Variants in EPS8 observed in about 807,000 individuals in gnomAD.
The protein encoded by EPS8 is EGFR pathway substrate 8, signaling adaptor.
EPS8 carries 42 observed loss-of-function variants against 103.8 expected under a neutral mutation model. That is an observed-to-expected ratio of 0.40 (90% CI 0.32 to 0.52). The LOEUF (loss-of-function observed/expected upper bound fraction) is 0.52, where lower values mean the gene tolerates loss of function less well. Ranked by LOEUF, EPS8 falls within the 20% of genes least tolerant of loss-of-function variation. The pLI is 0.40. For missense variants in EPS8, 969 were observed against 1,005.1 expected (o/e 0.96, Z 0.49); for synonymous variants, 344 against 344.6 (o/e 1.00, Z 0.02).
At position 15,640,713 on chromosome 12, in the gene EPS8, T is replaced by C. The variant is rs751401542; in HGVS notation, c.1811A>G (p.His604Arg). 28 of 1,613,602 alleles carry C rather than the reference T, an allele frequency of 1.7e-5. No individual in the cohort carries two copies. The South Asian group carries it at 3.0e-4, about 17-fold the overall frequency. ...GLGRADPPYT[H>R]TIQKQRMEYG... ...AGAAATCATGCTCACCTGTATAGTA[T>C]GAGTATAAGGTGGATCAGCACGCCC... is the stretch of plus-strand genomic sequence containing the variant. Residue 604 changes from histidine (H) to arginine (R), a missense_variant, in exon 17 of 21, where the codon CAT becomes CGT. Transcript: ENST00000281172.
chr12:15,649,196 T>C (rs545121781), intron 14 of EPS8, among the ~76,000 whole-genome samples: 23 of 152,294 alleles, frequency 1.5e-4, no homozygotes, highest in Non-Finnish European at 2.8e-4. Context: ...TCTTTTAAAA[T>C]TAATTATTCA....
chr12:15,667,464 T>C (rs1161222566), intron 6 of EPS8, among the ~76,000 whole-genome samples: 1 of 152,056 alleles, frequency 6.6e-6, no homozygotes, highest in African/African-American at 2.4e-5. Flanking sequence ...AATAAGACAT[T>C]ACAAATATCG....
chr12:15,732,685 A>C (rs1946729571), intron 1 of EPS8: 4 of 733,994 alleles, frequency 5.4e-6, no homozygotes, highest in Non-Finnish European at 6.7e-6. Context: ...CTGTTTACTA[A>C]GAAACAACAT....
At chr12:15,699,265 T>C (rs575343273) in intron 1 of EPS8, among the ~76,000 whole-genome samples, 1 of 152,368 alleles carries the variant, frequency 6.6e-6, no homozygotes, top group East Asian at 1.9e-4. Flanking sequence ...TTTATTGTGG[T>C]ATTTTGCCAT....
At chr12:15,750,983 A>G (rs1946925641) in intron 1 of EPS8, among the ~76,000 whole-genome samples, 1 of 152,178 alleles carries the variant, frequency 6.6e-6, no homozygotes, top group East Asian at 1.9e-4. Context: ...ATTAGACAGT[A>G]AAAGTAAATG....
At chr12:15,763,152 A>G (rs886119893) in intron 1 of EPS8, among the ~76,000 whole-genome samples, 4 of 152,198 alleles carry the variant, frequency 2.6e-5, no homozygotes, top group African/African-American at 9.6e-5. Context: ...ACAGGCTTAT[A>G]TTTTAAAATA....
rs1946060526 is a variant in EPS8 at position 15,684,423 on chromosome 12, T to A, written c.-21-1451A>T. ...AATACCTGACTCTTCACTAAACTCT[T>A]AGCCCCCAAAAGGCTTGAATTTTTG... On this transcript the variant is annotated intron_variant, in intron 1 of 20. Coordinates refer to ENST00000281172, the MANE Select transcript of EPS8 (RefSeq NM_004447.6). The surrounding 1 kb of genome is among the most constrained non-coding windows in gnomAD (Gnocchi z 4.9). 6.6e-6 allele frequency: 1 copy of A among 152,174 alleles called. No homozygotes were observed. The highest frequency in any genetic ancestry group is 1.5e-5 in the Non-Finnish European group (1 of 68,020). 9.4% of individuals were successfully genotyped at this position (152,174 alleles called of 1,614,324 possible).
chr12:15,770,421 T>G (rs1391764023), intron 1 of EPS8, among the ~76,000 whole-genome samples: 2 of 152,160 alleles, frequency 1.3e-5, no homozygotes, highest in African/African-American at 4.8e-5. Flanking sequence ...AGCGTGTTTT[T>G]GTAGGCCCTT....
chr12:15,640,861 A>G lies in EPS8; in HGVS notation c.1678-15T>C. 6.2e-7 allele frequency: 1 copy of G among 1,611,030 alleles called. No individual in the cohort carries two copies. The stretch of plus-strand genomic sequence containing the variant: ...TCATCAAGTATCTGTCATGTACAAG[A>G]AAATAAAGGTATAATTTCCATATAA... On this transcript the variant is annotated splice_polypyrimidine_tract_variant and intron_variant, in intron 16 of 20. Coordinates refer to ENST00000281172, the MANE Select transcript of EPS8 (RefSeq NM_004447.6).
In EPS8 at chr12:15,698,648, A is replaced by C. The variant is rs1159243602; in HGVS notation, c.-21-15676T>G. 6.6e-6 allele frequency among the ~76,000 whole-genome samples: 1 copy of C among 152,190 alleles called. No individual in the cohort carries two copies. The highest frequency in any genetic ancestry group is 1.5e-5 in the Non-Finnish European group (1 of 68,020). On this transcript the variant is annotated intron_variant, in intron 1 of 20. Transcript: ENST00000281172. This position sits in a 1 kb window ranked among gnomAD's most constrained non-coding sequence, Gnocchi z 4.9. ...ACATTCAAACTATTTAGCTGGGGAAAACATGATGACTTTCCCTGCCCTCCT... is the reference window on the plus strand; with the variant it reads ...ACATTCAAACTATTTAGCTGGGGAACACATGATGACTTTCCCTGCCCTCCT...
At chr12:15,726,570 A>C (rs963075585) in intron 1 of EPS8, among the ~76,000 whole-genome samples, 1 of 152,202 alleles carries the variant, frequency 6.6e-6, no homozygotes, top group Non-Finnish European at 1.5e-5. Flanking sequence ...GACAGCAAAA[A>C]ATGAAGATAC....
intron 3 of EPS8, among the ~76,000 whole-genome samples, chr12:15,676,918 G>A (rs1022709503): frequency 9.9e-5 from 15 of 151,976 alleles, no homozygotes; most frequent in African/African-American, 3.6e-4. Flanking sequence ...AAATTAATAT[G>A]TCCTCAAATA....
intron 3 of EPS8, among the ~76,000 whole-genome samples, chr12:15,675,218 C>G (rs549437205): frequency 1.3e-5 from 2 of 152,194 alleles, no homozygotes; most frequent in African/African-American, 4.8e-5. Flanking sequence ...CTTACCAACA[C>G]CTCCTTGAGA....
chr12:15,784,395 A>G lies in EPS8; in HGVS notation c.-22+4766T>C, dbSNP rs1416807815. 6.6e-6 allele frequency among the ~76,000 whole-genome samples: 1 copy of G among 152,212 alleles called. No individual in the cohort carries two copies. The highest frequency in any genetic ancestry group is 1.5e-5 in the Non-Finnish European group (1 of 68,006). On this transcript the variant is annotated intron_variant, in intron 1 of 20. Transcript: ENST00000281172. The surrounding 1 kb of genome is among the most constrained non-coding windows in gnomAD (Gnocchi z 4.0). ...AAGGGGTATGTGAAAAGATGTTAACATCATATGTCATTAGGAAATAGTAAA... is the reference window on the plus strand; with the variant it reads ...AAGGGGTATGTGAAAAGATGTTAACGTCATATGTCATTAGGAAATAGTAAA...
At chr12:15,663,192 C>T (rs943444170) in intron 8 of EPS8, among the ~76,000 whole-genome samples, 1 of 151,972 alleles carries the variant, frequency 6.6e-6, no homozygotes, top group Non-Finnish European at 1.5e-5. Flanking sequence ...GTTGAAATAG[C>T]TATTAGGAAC....
Position 15,771,624 on chromosome 12 carries a change from G to A in EPS8, c.-22+17537C>T, listed in dbSNP as rs1483731857. 6.6e-6 allele frequency among the ~76,000 whole-genome samples: 1 copy of A among 152,086 alleles called. No homozygotes were observed. On this transcript the variant is annotated intron_variant, in intron 1 of 20. Transcript: ENST00000281172. The surrounding 1 kb of genome is among the most constrained non-coding windows in gnomAD (Gnocchi z 4.6). ...TTGCATATGGCAGGTAAAGGAGAAG[G>A]GGGGTCATGGATGTGTTCTTCTAAT...
intron 10 of EPS8, among the ~76,000 whole-genome samples, chr12:15,659,929 C>T (rs1432201669): frequency 6.6e-6 from 1 of 152,058 alleles, no homozygotes; most frequent in East Asian, 1.9e-4. Context: ...TAAGTCAACC[C>T]TTTTATTTAA....
intron 1 of EPS8, among the ~76,000 whole-genome samples, chr12:15,740,285 G>A (rs1283801904): frequency 3.9e-5 from 6 of 152,226 alleles, no homozygotes; most frequent in African/African-American, 1.2e-4. Context: ...GGTGGCTCAC[G>A]CCTGTAATCC....
At chr12:15,651,031 A>G (rs1941906897) in intron 13 of EPS8, 25 bp from the exon 14 acceptor site, 1 of 1,593,446 alleles carries the variant, frequency 6.3e-7, no homozygotes, top group Admixed American at 1.7e-5. Flanking sequence ...GAAGGCATAT[A>G]AACAATAAAA....
Sources: allele counts gnomAD v4.1 joint callset (sites outside exome capture counted in the v4.1 genomes callset), GRCh38; gene constraint gnomAD v4.1.1; non-coding constraint Gnocchi (gnomAD v3.1); transcripts MANE v1.5; gene names NCBI Gene and HGNC (gene_info 2026-07-23, HGNC 2026-07-21).